Variants in LRP1B observed in about 807,000 individuals in gnomAD.
LRP1B encodes the protein low-density lipoprotein receptor-related protein 1B.
LRP1B carries 217 observed loss-of-function variants against 556.6 expected under a neutral mutation model. That is an observed-to-expected ratio of 0.39 (90% CI 0.35 to 0.44). LRP1B has a LOEUF of 0.44. LRP1B is among the 20% of genes least tolerant of loss of function. The pLI is 1.00. For missense variants in LRP1B, 5,053 were observed against 5,620.8 expected, an observed-to-expected ratio of 0.90 and a Z score of 3.23; for synonymous variants, 2,047 against 1,865.8, an observed-to-expected ratio of 1.10 and a Z score of -2.50.
intron 2 of LRP1B, among the ~76,000 whole-genome samples, chr2:141,753,852 G>A (rs1387262427): frequency 2.6e-5 from 4 of 151,858 alleles, no homozygotes; most frequent in Non-Finnish European, 1.5e-5. Flanking sequence ...ACTTTGCTTG[G>A]GTTTTTTTGG....
At chr2:141,172,738 A>C (rs1266815097) in intron 7 of LRP1B, among the ~76,000 whole-genome samples, 1 of 152,078 alleles carries the variant, frequency 6.6e-6, no homozygotes, top group Non-Finnish European at 1.5e-5. Context: ...GTCTGTGGAA[A>C]AATAGACATT....
intron 20 of LRP1B, among the ~76,000 whole-genome samples, chr2:140,939,910 G>T: frequency 8.0e-6 from 1 of 125,050 alleles, no homozygotes; most frequent in Non-Finnish European, 1.6e-5. Flanking sequence ...TTTTGAGACA[G>T]TGTCTCAATC....
chr2:141,443,623 G>T (rs189772581), intron 3 of LRP1B, among the ~76,000 whole-genome samples: 1 of 152,034 alleles, frequency 6.6e-6, no homozygotes, highest in Non-Finnish European at 1.5e-5. Flanking sequence ...TAAGGAAGGG[G>T]TACAATTTCA....
At chr2:141,674,324 T>C (rs115424748) in intron 2 of LRP1B, among the ~76,000 whole-genome samples, 3,715 of 152,158 alleles carry the variant, frequency 0.024, 81 homozygotes, top group Non-Finnish European at 0.037. Flanking sequence ...AAGACTTGCC[T>C]GTTGACCAAT....
At chr2:142,040,425 G>A (rs1433230268) in intron 1 of LRP1B, among the ~76,000 whole-genome samples, 1 of 151,316 alleles carries the variant, frequency 6.6e-6, no homozygotes, top group Non-Finnish European at 1.5e-5. Flanking sequence ...GGAACTCTGA[G>A]CTCTCATACA....
In LRP1B at chr2:141,540,691, G is replaced by T. The variant is rs146291879; in HGVS notation, c.206-60158C>A. On this transcript the variant is annotated intron_variant, in intron 2 of 90. Coordinates refer to ENST00000389484, the MANE Select transcript of LRP1B (RefSeq NM_018557.3). ...GATTTAGTTAAGGTCTTTAAAAAAT[G>T]AGACTAAACATTATTACAATAAATA... Among the ~76,000 whole-genome samples the T allele has an allele frequency of 2.3e-4, 35 of 152,060 alleles. No homozygotes were observed. The East Asian group carries it at 6.6e-3, about 29-fold the overall frequency.
chr2:140,770,633 G>C (rs1376582642), intron 34 of LRP1B, among the ~76,000 whole-genome samples: 1 of 151,942 alleles, frequency 6.6e-6, no homozygotes, highest in South Asian at 2.1e-4. Context: ...TTGGTTAAAG[G>C]TTTGATAATA....
intron 2 of LRP1B, among the ~76,000 whole-genome samples, chr2:141,544,365 T>TCC (rs1252817599): frequency 1.0e-4 from 11 of 106,142 alleles, no homozygotes; most frequent in African/African-American, 3.2e-4. Flanking sequence ...CTTCTTCTTC[T>TCC]TCTTCTTCTT....
At chr2:141,522,642 T>C (rs1684565909) in intron 2 of LRP1B, among the ~76,000 whole-genome samples, 1 of 151,970 alleles carries the variant, frequency 6.6e-6, no homozygotes, top group African/African-American at 2.4e-5. Context: ...GTGAATAGAA[T>C]CAATAGGAGA....
At chr2:140,530,449 A>G (rs555279423) in intron 47 of LRP1B, among the ~76,000 whole-genome samples, 14 of 152,208 alleles carry the variant, frequency 9.2e-5, no homozygotes, top group South Asian at 2.1e-4. Context: ...TTTGCATAAT[A>G]TAAGTCTTTA....
Position 140,907,816 on chromosome 2 carries a change from G to A in LRP1B, c.3520+61C>T, listed in dbSNP as rs1245000246. ...ATGAATGCTACTATATTAAGTAACAGCAACTGAACTAAAAGGTTGTAGTTT... is the reference window on the plus strand; with the variant it reads ...ATGAATGCTACTATATTAAGTAACAACAACTGAACTAAAAGGTTGTAGTTT... On this transcript the variant is annotated intron_variant, in intron 22 of 90. Transcript: ENST00000389484. The A allele has an allele frequency of 2.9e-6, 4 of 1,396,592 alleles. No homozygotes were observed. In the African/African-American group the frequency reaches 5.7e-5, roughly 20 times the overall value. The allele number at this position is 1,396,592 out of a possible 1,614,324, so 86.5% of individuals were successfully genotyped here. A position where few individuals can be genotyped will look rare whatever the true frequency, so the allele number is the denominator to read the frequency against.
At chr2:141,960,538 T>C (rs912991125) in intron 1 of LRP1B, among the ~76,000 whole-genome samples, 2 of 151,892 alleles carry the variant, frequency 1.3e-5, no homozygotes, top group Non-Finnish European at 2.9e-5. Flanking sequence ...TATCAAAGCA[T>C]AAATGTTTTT....
In LRP1B at chr2:141,993,133, T is replaced by A. The variant is rs527819487; in HGVS notation, c.82+137515A>T. On this transcript the variant is annotated intron_variant, in intron 1 of 90. Coordinates refer to ENST00000389484, the MANE Select transcript of LRP1B (RefSeq NM_018557.3). Reference sequence around the variant, plus strand: ...TTGCTTGCATTTCTGTTGGAAAAGATGAAAGAGTGAAGAGAAAGGGAGAGA... The same window carrying A: ...TTGCTTGCATTTCTGTTGGAAAAGAAGAAAGAGTGAAGAGAAAGGGAGAGA... Among the ~76,000 whole-genome samples the A allele has an allele frequency of 3.1e-4, 47 of 152,132 alleles. 1 individual carries two copies. The South Asian group carries it at 8.7e-3, about 28-fold the overall frequency.
chr2:141,468,268 G>A (rs1466485779), intron 3 of LRP1B, among the ~76,000 whole-genome samples: 2 of 152,138 alleles, frequency 1.3e-5, no homozygotes, highest in African/African-American at 4.8e-5. Context: ...CGGAAAGGAG[G>A]ACACAGGAGT....
chr2:141,416,759 C>T (rs60375607), intron 3 of LRP1B, among the ~76,000 whole-genome samples: 9,943 of 152,162 alleles, frequency 0.065, 1,088 homozygotes, highest in African/African-American at 0.22. Flanking sequence ...TTTACATCTC[C>T]ATCAGGAGTT....
intron 3 of LRP1B, among the ~76,000 whole-genome samples, chr2:141,331,552 C>CTTTCTTTCTTTCTTTCTTTCTTTCTTTCT (rs1573817128): frequency 7.0e-6 from 1 of 143,188 alleles, no homozygotes; most frequent in Admixed American, 7.1e-5. Flanking sequence ...TTCTTTCTTT[C>CTTTCTTTCTTTCTTTCTTTCTTTCTTTCT]TTATTTGGGA....
intron 18 of LRP1B, among the ~76,000 whole-genome samples, chr2:140,952,539 G>GA (rs923993258): frequency 6.1e-5 from 9 of 146,742 alleles, no homozygotes; most frequent in East Asian, 2.0e-4. Context: ...ACAAAAAACC[G>GA]AAAAAAAAAT....
chr2:141,503,248 ATATAATATAT>A (rs1683795238), intron 2 of LRP1B, among the ~76,000 whole-genome samples: 1 of 42,964 alleles, frequency 2.3e-5, no homozygotes, highest in South Asian at 8.3e-4. Context: ...ACAATATATA[ATATAATATAT>A]AATAATATAT....
chr2:140,462,055 T>G (rs1303843424), intron 60 of LRP1B, among the ~76,000 whole-genome samples: 1 of 152,306 alleles, frequency 6.6e-6, no homozygotes, highest in Middle Eastern at 3.4e-3. Flanking sequence ...TAAGGTCAAC[T>G]TATGCTTCAC....
Sources: gnomAD v4.1 joint callset for allele counts (sites outside exome capture counted in the v4.1 genomes callset) on GRCh38, gnomAD v4.1.1 for gene constraint, MANE v1.5 for transcripts, NCBI Gene and HGNC (gene_info 2026-07-23, HGNC 2026-07-21) for gene names.